Variants in COL22A1 observed in about 807,000 individuals in gnomAD.
COL22A1 encodes the protein collagen type XXII alpha 1 chain.
Under a neutral mutation model 248.9 loss-of-function variants are expected in COL22A1, and 221 were observed. That is an observed-to-expected ratio of 0.89 (90% CI 0.80 to 0.99). COL22A1 has a LOEUF of 0.99. Among genes scored for constraint, COL22A1 ranks in the 50% least tolerant of loss-of-function variants. The pLI is 0.00. For missense variants in COL22A1, 2,240 were observed against 2,179.0 expected, an observed-to-expected ratio of 1.03 and a Z score of -0.56; for synonymous variants, 891 against 793.4, an observed-to-expected ratio of 1.12 and a Z score of -2.07.
At chr8:138,851,314 A>C (rs1235800984) in intron 3 of COL22A1, among the ~76,000 whole-genome samples, 1 of 152,202 alleles carries the variant, frequency 6.6e-6, no homozygotes, top group South Asian at 2.1e-4. Flanking sequence ...GAGGGTGAGG[A>C]GGGTCCAAGC....
At chr8:138,604,979 AC>A (rs1467542410) in intron 58 of COL22A1, among the ~76,000 whole-genome samples, 2 of 152,166 alleles carry the variant, frequency 1.3e-5, no homozygotes, top group African/African-American at 4.8e-5. Context: ...AAGAAGAGCC[AC>A]GGGTTAAGAG....
rs1238633057 is a variant in COL22A1, at chr8:138,694,509, G to T, written c.2699C>A (p.Pro900Gln). 1 of 1,613,986 alleles carries T rather than the reference G, an allele frequency of 6.2e-7. No individual in the cohort carries two copies. The highest frequency in any genetic ancestry group is 2.2e-5 in the East Asian group (1 of 44,856). Residue 900 changes from proline (P) to glutamine (Q), a missense_variant and splice_region_variant, in exon 34 of 65, where the codon CCG becomes CAG. Transcript: ENST00000303045. ...ELGPQGPTGP[P>Q]GAKGQEGAHG... ...CAGGGGAAGGGATGGTTTTCTTACCGGTGGTCCAGTGGGTCCCTGAGGCCC... is the reference window on the plus strand; with the variant it reads ...CAGGGGAAGGGATGGTTTTCTTACCTGTGGTCCAGTGGGTCCCTGAGGCCC...
intron 11 of COL22A1, among the ~76,000 whole-genome samples, chr8:138,801,772 C>T (rs1024480410): frequency 3.3e-5 from 5 of 152,104 alleles, no homozygotes; most frequent in South Asian, 2.1e-4. Flanking sequence ...CCCAGCTATT[C>T]GGGAGACTGA....
chr8:138,641,565 T>A (rs1821712808), intron 47 of COL22A1, among the ~76,000 whole-genome samples: 1 of 152,178 alleles, frequency 6.6e-6, no homozygotes, highest in Admixed American at 6.5e-5. Flanking sequence ...AGACCCTATA[T>A]CTTAAAGTCA....
intron 23 of COL22A1, among the ~76,000 whole-genome samples, chr8:138,734,725 C>T (rs973548387): frequency 3.3e-5 from 5 of 152,300 alleles, no homozygotes; most frequent in South Asian, 2.1e-4. Flanking sequence ...CACATGCACA[C>T]GCATGTTTAT....
intron 51 of COL22A1, among the ~76,000 whole-genome samples, chr8:138,625,643 A>G (rs1375907463): frequency 6.6e-6 from 1 of 152,242 alleles, no homozygotes; most frequent in Admixed American, 6.5e-5. Context: ...GGATCATCAT[A>G]AAGAAATTTT....
chr8:138,589,154 G>A lies in COL22A1; in HGVS notation c.*99C>T, dbSNP rs182324250. 1.1e-3 allele frequency: 1,139 copies of A among 1,077,938 alleles called. No individual in the cohort carries two copies. Among genetic ancestry groups the A allele is most frequent in the Non-Finnish European group, 1.4e-3 (1,020 of 752,918 alleles). The allele number at this position is 1,077,938 out of a possible 1,614,324, so 66.8% of individuals were successfully genotyped here. On this transcript the variant is annotated 3_prime_UTR_variant, in exon 65 of 65. Coordinates refer to ENST00000303045, the MANE Select transcript of COL22A1 (RefSeq NM_152888.3). Reference sequence around the variant, plus strand: ...ACGATAAAAGAAAGAAAAAAAAAAGGAACACATGGCTGAAGTCTTTCAAGA... The same window carrying A: ...ACGATAAAAGAAAGAAAAAAAAAAGAAACACATGGCTGAAGTCTTTCAAGA...
intron 51 of COL22A1, among the ~76,000 whole-genome samples, chr8:138,625,396 G>A (rs1009401320): frequency 6.6e-6 from 1 of 152,164 alleles, no homozygotes; most frequent in Non-Finnish European, 1.5e-5. Flanking sequence ...ACTGTAGACA[G>A]TAAGTGCTAC....
At chr8:138,593,164 C>T (rs1817228150) in intron 63 of COL22A1, among the ~76,000 whole-genome samples, 1 of 152,004 alleles carries the variant, frequency 6.6e-6, no homozygotes, top group South Asian at 2.1e-4. Flanking sequence ...GGGAGCTGAA[C>T]AATGAGAACA....
rs181404736 is a variant in COL22A1, at chr8:138,814,209, C to A, written c.1246-1190G>T. On this transcript the variant is annotated intron_variant, in intron 7 of 64. Transcript: ENST00000303045. ...ATGGCAAACCACACCTGCACATTCA[C>A]GCTTTAGCACGTGGTACCTCTTCTA... Among the ~76,000 whole-genome samples, 16 of 152,354 alleles carry A rather than the reference C, an allele frequency of 1.1e-4. No individual in the cohort carries two copies. The East Asian group carries it at 3.1e-3, about 29-fold the overall frequency.
At chr8:138,703,244 G>A (rs887771468) in intron 31 of COL22A1, 62 bp downstream of exon 31, 1 of 1,390,286 alleles carries the variant, frequency 7.2e-7, no homozygotes, top group Admixed American at 1.7e-5. Flanking sequence ...GTTGCTGGAG[G>A]GGGAGTACGA....
intron 10 of COL22A1, among the ~76,000 whole-genome samples, chr8:138,807,308 A>G (rs1403660206): frequency 6.6e-6 from 1 of 152,144 alleles, no homozygotes; most frequent in Non-Finnish European, 1.5e-5. Context: ...GACAGAGAGG[A>G]ATGAGACCAC....
At chr8:138,708,982 T>C (rs1006666130) in intron 30 of COL22A1, among the ~76,000 whole-genome samples, 4 of 152,242 alleles carry the variant, frequency 2.6e-5, no homozygotes, top group African/African-American at 4.8e-5. Flanking sequence ...GCAAAGGATA[T>C]GAACAGACAC....
At chr8:138,885,730 G>A (rs1824616855) in intron 1 of COL22A1, among the ~76,000 whole-genome samples, 1 of 151,956 alleles carries the variant, frequency 6.6e-6, no homozygotes. Flanking sequence ...CACCCGGCTA[G>A]TTTTGGTTTT....
At chr8:138,655,490 C>T (rs1281809843) in intron 45 of COL22A1, among the ~76,000 whole-genome samples, 1 of 152,212 alleles carries the variant, frequency 6.6e-6, no homozygotes, top group Non-Finnish European at 1.5e-5. Flanking sequence ...TCCTGAGTCG[C>T]TGGGACCACA....
chr8:138,688,237 C>T (rs374301675), intron 37 of COL22A1, among the ~76,000 whole-genome samples: 29 of 150,920 alleles, frequency 1.9e-4, no homozygotes, highest in African/African-American at 6.6e-4. Flanking sequence ...ATTAAAATCT[C>T]AGGCTGGGTT....
intron 41 of COL22A1, among the ~76,000 whole-genome samples, chr8:138,665,760 A>T (rs576151337): frequency 1.2e-4 from 18 of 152,318 alleles, no homozygotes; most frequent in African/African-American, 4.1e-4. Context: ...GTGGTCAGAT[A>T]CAGGCAACAA....
In COL22A1 at chr8:138,646,652, G is replaced by A. The variant is rs764024401; in HGVS notation, c.3478C>T (p.Pro1160Ser). The change falls in exon 47 of 65, where the codon CCC becomes TCC. Residue 1160 changes from proline (P) to serine (S), a missense_variant. Physicochemically the swap from Pro to Ser is moderately conservative, Grantham distance 74. Transcript: ENST00000303045. ...GEAGPPGLPG[P>S]PGIAGPQGSQ... ...ACCTGTGGTCCAGCTATTCCTGGGG[G>A]CCCTGGTAGGCCTGGAGGCCCAGCC... 86 of 1,583,070 alleles carry A rather than the reference G, an allele frequency of 5.4e-5. 1 individual carries two copies. In the Admixed American group the frequency reaches 1.4e-3, roughly 26 times the overall value.
At chr8:138,608,794 C>T (rs879406413) in intron 56 of COL22A1, among the ~76,000 whole-genome samples, 1 of 152,112 alleles carries the variant, frequency 6.6e-6, no homozygotes, top group African/African-American at 2.4e-5. Context: ...CACACTCCCC[C>T]ACTCAGGGCA....
Sources: gnomAD v4.1 joint callset for allele counts (sites outside exome capture counted in the v4.1 genomes callset) on GRCh38, gnomAD v4.1.1 for gene constraint, MANE v1.5 for transcripts, NCBI Gene and HGNC (gene_info 2026-07-23, HGNC 2026-07-21) for gene names.